CPS1: variants seen among roughly 807,000 people sequenced by gnomAD.
CPS1 encodes carbamoyl-phosphate synthase 1, also known as carbamoyl-phosphate synthase [ammonia], mitochondrial.
CPS1 carries 109 observed loss-of-function variants against 174.6 expected under a neutral mutation model. The ratio of observed to expected loss-of-function variants is 0.62; its 90% CI spans 0.53 to 0.73. CPS1 has a LOEUF of 0.73. CPS1 is among the 30% of genes least tolerant of loss of function. The pLI, the probability that CPS1 is intolerant of heterozygous loss-of-function variation, is 0.00. For missense variants in CPS1, 1,689 were observed against 1,821.9 expected, an observed-to-expected ratio of 0.93 and a Z score of 1.33; for synonymous variants, 637 against 632.0, an observed-to-expected ratio of 1.01 and a Z score of -0.12.
intron 30 of CPS1, 149 bp downstream of exon 30, chr2:210,656,781 C>G (rs1350633699): frequency 3.0e-6 from 2 of 677,252 alleles, no homozygotes; most frequent in African/African-American, 3.7e-5. Context: ...TGCTCTGAGT[C>G]ACCTGGGTAT....
At position 210,634,026 on chromosome 2, in the gene CPS1, G is replaced by A. The variant is rs79562704; in HGVS notation, c.2688-3676G>A. 6.3e-3 allele frequency among the ~76,000 whole-genome samples: 957 copies of A among 152,276 alleles called. 48 individuals carry two copies. The East Asian group carries it at 0.13, about 21-fold the overall frequency. On this transcript the variant is annotated intron_variant, in intron 21 of 37. Coordinates refer to ENST00000233072, the MANE Select transcript of CPS1 (RefSeq NM_001875.5). ...CGCTTATTTGTCAAGCACTTCCACC[G>A]AAAGGCTGAGTGCATACTTGCACAT...
intron 1 of CPS1, among the ~76,000 whole-genome samples, chr2:210,564,745 C>T (rs1437224181): frequency 2.6e-5 from 4 of 151,902 alleles, no homozygotes; most frequent in Admixed American, 2.6e-4. Context: ...GTAATTCCAG[C>T]ACTTTGGAAA....
chr2:210,632,225 G>A (rs1474577241), intron 21 of CPS1, among the ~76,000 whole-genome samples: 1 of 152,152 alleles, frequency 6.6e-6, no homozygotes, highest in African/African-American at 2.4e-5. Flanking sequence ...ATGGAAATTG[G>A]TTTTGGCAAA....
rs1701617458 is a variant in CPS1 at position 210,678,861 on chromosome 2, A to G, written c.*876A>G. The G allele has an allele frequency of 6.6e-6, 1 of 152,156 alleles. No individual in the cohort carries two copies. Among genetic ancestry groups the G allele is most frequent in the African/African-American group, 2.4e-5 (1 of 41,428 alleles). The allele number at this position is 152,156 out of a possible 1,614,324, so 9.4% of individuals were successfully genotyped here. On this transcript the variant is annotated 3_prime_UTR_variant, in exon 38 of 38. Coordinates refer to ENST00000233072, the MANE Select transcript of CPS1 (RefSeq NM_001875.5). The stretch of plus-strand genomic sequence containing the variant: ...TGAAATAATCAGATTTTTGTCATTC[A>G]CACTCTCCCCCAGTTTTGGAATAAC...
rs1701609982 is a variant in CPS1 at position 210,678,655 on chromosome 2, C to A, written c.*670C>A. The A allele has an allele frequency of 1.3e-5, 2 of 153,330 alleles. No homozygotes were observed. The highest frequency in any genetic ancestry group is 1.9e-4 in the East Asian group (1 of 5,202). 9.5% of individuals were successfully genotyped at this position (153,330 alleles called of 1,614,324 possible). On this transcript the variant is annotated 3_prime_UTR_variant, in exon 38 of 38. Coordinates refer to ENST00000233072, the MANE Select transcript of CPS1 (RefSeq NM_001875.5). ...CTCTCCAGGCTGGAGTGCAGTGGCACAATCTCGGCTCACTGCAATTTCCGT... is the reference window on the plus strand; with the variant it reads ...CTCTCCAGGCTGGAGTGCAGTGGCAAAATCTCGGCTCACTGCAATTTCCGT...
intron 28 of CPS1, among the ~76,000 whole-genome samples, chr2:210,651,220 A>G (rs1318368506): frequency 6.6e-6 from 1 of 152,168 alleles, no homozygotes; most frequent in Non-Finnish European, 1.5e-5. Flanking sequence ...GGAGGGAGGA[A>G]GAGTGAAATC....
chr2:210,514,143 T>C (rs1254534266), intron 1 of CPS1, among the ~76,000 whole-genome samples: 1 of 152,092 alleles, frequency 6.6e-6, no homozygotes, highest in East Asian at 1.9e-4. Context: ...TTCTTTTTGC[T>C]TAGTATTCCT....
chr2:210,645,517 G>A (rs114024639), intron 25 of CPS1, among the ~76,000 whole-genome samples: 1,611 of 152,182 alleles, frequency 0.011, 23 homozygotes, highest in African/African-American at 0.037. Context: ...AGTTCAGGCC[G>A]GGGATGGTGG....
intron 34 of CPS1, among the ~76,000 whole-genome samples, chr2:210,669,829 A>C (rs1701236481): frequency 6.6e-6 from 1 of 152,174 alleles, no homozygotes; most frequent in South Asian, 2.1e-4. Context: ...ACTTGGGGGC[A>C]TTCAGAGGAG....
chr2:210,545,408 T>C (rs1187528194), intron 1 of CPS1, among the ~76,000 whole-genome samples: 1 of 152,106 alleles, frequency 6.6e-6, no homozygotes, highest in Non-Finnish European at 1.5e-5. Context: ...GGTATGAGCC[T>C]TTACATTTTT....
intron 1 of CPS1, among the ~76,000 whole-genome samples, chr2:210,512,923 G>GAT (rs1190060205): frequency 1.5e-5 from 1 of 68,852 alleles, no homozygotes; most frequent in African/African-American, 5.9e-5. Context: ...TATATATGGA[G>GAT]ATATATATAT....
chr2:210,602,348 C>A lies in CPS1; in HGVS notation c.1836+18C>A. On this transcript the variant is annotated intron_variant, in intron 16 of 37. Transcript: ENST00000233072. ...GCACAAAGGTATGTATTTTTGTAGA[C>A]AATATTCTTACCAACCAAAAAAACT... 2 of 1,612,062 alleles carry A rather than the reference C, an allele frequency of 1.2e-6. No homozygotes were observed. The highest frequency in any genetic ancestry group is 1.7e-6 in the Non-Finnish European group (2 of 1,178,724).
chr2:210,663,698 T>C (rs1032717084), intron 33 of CPS1, among the ~76,000 whole-genome samples: 3 of 152,208 alleles, frequency 2.0e-5, no homozygotes, highest in Admixed American at 6.5e-5. Flanking sequence ...AAAACTATAA[T>C]GGAATCGGCC....
chr2:210,660,619 C>A lies in CPS1; in HGVS notation c.3891C>A (p.Asp1297Glu), dbSNP rs1253866917. 6.2e-7 allele frequency: 1 copy of A among 1,614,088 alleles called. No homozygotes were observed. Among genetic ancestry groups the A allele is most frequent in the South Asian group, 1.1e-5 (1 of 91,078 alleles). The change falls in exon 32 of 38, where the codon GAC becomes GAA. Residue 1297 changes from aspartate (D) to glutamate (E), a missense_variant. Physicochemically the swap from Asp to Glu is conservative, Grantham distance 45. Coordinates refer to ENST00000233072, the MANE Select transcript of CPS1 (RefSeq NM_001875.5). ...ATGAGAAACATCTTCCAACATTGGA[C>A]CATCCCATAATTCCTGCTGACTATG... ...NVDEKHLPTL[D>E]HPIIPADYVA...
At chr2:210,612,402 T>G in intron 20 of CPS1, 109 bp downstream of exon 20, 1 of 1,212,946 alleles carries the variant, frequency 8.2e-7, no homozygotes. Context: ...CAGGGATTTT[T>G]GGAAAATTTT....
intron 1 of CPS1, among the ~76,000 whole-genome samples, chr2:210,571,415 A>G (rs1036882472): frequency 2.0e-5 from 3 of 151,958 alleles, no homozygotes; most frequent in Admixed American, 6.6e-5. Flanking sequence ...ACATTGTTCA[A>G]TCTTTCTCAG....
chr2:210,646,784 A>T (rs924026243), intron 25 of CPS1, among the ~76,000 whole-genome samples: 12 of 152,120 alleles, frequency 7.9e-5, no homozygotes, highest in African/African-American at 2.9e-4. Flanking sequence ...TGTTGTCTAT[A>T]AAATTAGACA....
intron 19 of CPS1, among the ~76,000 whole-genome samples, chr2:210,609,594 C>A (rs1699037597): frequency 6.6e-6 from 1 of 151,900 alleles, no homozygotes; most frequent in African/African-American, 2.4e-5. Context: ...ATGAACAAAT[C>A]TCAGTCTTTC....
chr2:210,566,628 A>G (rs1368789645), intron 1 of CPS1, among the ~76,000 whole-genome samples: 1 of 152,216 alleles, frequency 6.6e-6, no homozygotes, highest in Non-Finnish European at 1.5e-5. Context: ...AGAAAAAGAA[A>G]AAGAGGTTAT....
Sources: allele counts gnomAD v4.1 joint callset (sites outside exome capture counted in the v4.1 genomes callset), GRCh38; gene constraint gnomAD v4.1.1; transcripts MANE v1.5; gene names NCBI Gene and HGNC (gene_info 2026-07-23, HGNC 2026-07-21).